MAGI2: variants seen among roughly 807,000 people sequenced by gnomAD.
The protein encoded by MAGI2 is membrane associated guanylate kinase, WW and PDZ domain containing 2, also known as membrane-associated guanylate kinase, WW and PDZ domain-containing protein 2.
Under a neutral mutation model 133.3 loss-of-function variants are expected in MAGI2, and 35 were observed. The observed-to-expected ratio is 0.26, with a 90% CI of 0.20 to 0.35. MAGI2 has a LOEUF of 0.35. Ranked by LOEUF, MAGI2 falls within the 10% of genes least tolerant of loss-of-function variation. MAGI2 has a pLI of 1.00. For missense variants in MAGI2, 1,636 were observed against 1,863.4 expected (o/e 0.88, Z 2.25); for synonymous variants, 729 against 710.6 (o/e 1.03, Z -0.41).
intron 4 of MAGI2, among the ~76,000 whole-genome samples, chr7:78,515,934 A>G (rs1365481270): frequency 6.6e-6 from 1 of 152,044 alleles, no homozygotes; most frequent in Non-Finnish European, 1.5e-5. Flanking sequence ...TAATGTTTAC[A>G]ATATATATAT....
intron 1 of MAGI2, among the ~76,000 whole-genome samples, chr7:79,401,662 A>G (rs1474436996): frequency 2.0e-5 from 3 of 152,170 alleles, no homozygotes; most frequent in South Asian, 2.1e-4. Context: ...AATGATTACT[A>G]TATTGGTACT....
chr7:79,399,514 G>T (rs1237230630), intron 1 of MAGI2, among the ~76,000 whole-genome samples: 1 of 152,058 alleles, frequency 6.6e-6, no homozygotes, highest in Non-Finnish European at 1.5e-5. Context: ...GCTAGGAAAA[G>T]ATTAGGTACA....
At chr7:79,114,591 T>C (rs577465682) in intron 1 of MAGI2, among the ~76,000 whole-genome samples, 4 of 152,294 alleles carry the variant, frequency 2.6e-5, no homozygotes, top group African/African-American at 7.2e-5. Flanking sequence ...GTGAATGTCA[T>C]AGTATCAATC....
chr7:79,305,059 G>A (rs1438361466), intron 1 of MAGI2, among the ~76,000 whole-genome samples: 1 of 152,152 alleles, frequency 6.6e-6, no homozygotes, highest in Non-Finnish European at 1.5e-5. Flanking sequence ...AAATACAGAT[G>A]AGGAAATGTC....
chr7:78,541,089 G>T (rs1033253663), intron 3 of MAGI2, among the ~76,000 whole-genome samples: 10 of 152,188 alleles, frequency 6.6e-5, no homozygotes, highest in Non-Finnish European at 1.5e-5. Context: ...TGTCCAAGGG[G>T]CTGCAAGTCA....
At chr7:78,268,198 CTTTAT>C (rs1336332224) in intron 9 of MAGI2, among the ~76,000 whole-genome samples, 1 of 151,826 alleles carries the variant, frequency 6.6e-6, no homozygotes, top group African/African-American at 2.4e-5. Flanking sequence ...AGCACTAGCA[CTTTAT>C]TTTATATCAA....
intron 1 of MAGI2, among the ~76,000 whole-genome samples, chr7:79,380,501 A>G (rs914072893): frequency 6.6e-6 from 1 of 151,768 alleles, no homozygotes; most frequent in Admixed American, 6.6e-5. Context: ...TGAATTCAAC[A>G]TGTAACACCT....
At chr7:78,452,545 A>C (rs1342744017) in intron 6 of MAGI2, among the ~76,000 whole-genome samples, 1 of 152,020 alleles carries the variant, frequency 6.6e-6, no homozygotes, top group African/African-American at 2.4e-5. Flanking sequence ...CACAGTTCTT[A>C]AGTATAAAAA....
At chr7:79,128,469 G>A (rs1468032701) in intron 1 of MAGI2, among the ~76,000 whole-genome samples, 2 of 152,158 alleles carry the variant, frequency 1.3e-5, no homozygotes, top group African/African-American at 4.8e-5. Context: ...GTAAGACACA[G>A]TGTCACTGTC....
chr7:78,292,996 G>A (rs1796873388), intron 9 of MAGI2, among the ~76,000 whole-genome samples: 1 of 152,122 alleles, frequency 6.6e-6, no homozygotes, highest in South Asian at 2.1e-4. Context: ...AGAAAACCTA[G>A]GCAATACCAT....
intron 1 of MAGI2, among the ~76,000 whole-genome samples, chr7:79,164,515 G>C (rs1238735890): frequency 6.6e-6 from 1 of 151,816 alleles, no homozygotes; most frequent in Admixed American, 6.6e-5. Flanking sequence ...CCTTTAAAAA[G>C]GGCTGGAGAG....
chr7:78,436,957 T>C (rs1449211873), intron 6 of MAGI2, among the ~76,000 whole-genome samples: 1 of 152,162 alleles, frequency 6.6e-6, no homozygotes, highest in African/African-American at 2.4e-5. Flanking sequence ...GGCAGGGGCA[T>C]GCAAAGATGC....
intron 2 of MAGI2, among the ~76,000 whole-genome samples, chr7:78,753,165 A>C (rs1316795510): frequency 6.6e-6 from 1 of 152,224 alleles, no homozygotes; most frequent in East Asian, 1.9e-4. Context: ...CAAGATGACC[A>C]GTATGATGGA....
Position 78,685,965 on chromosome 7 carries a change from T to C in MAGI2, c.419-58726A>G, listed in dbSNP as rs988142503. Among the ~76,000 whole-genome samples, 23 of 100,792 alleles carry C rather than the reference T, an allele frequency of 2.3e-4. No homozygotes were observed. In the East Asian group the frequency reaches 8.7e-3, roughly 38 times the overall value. 66.1% of individuals were successfully genotyped at this position (100,792 alleles called of 152,430 possible). ...TCCTGCTCTTACTTTCTTTTTCTTT[T>C]TTTTCTTTTCTTTTTTTTTTTTGTC... On this transcript the variant is annotated intron_variant, in intron 2 of 21. Coordinates refer to ENST00000354212, the MANE Select transcript of MAGI2 (RefSeq NM_012301.4).
At chr7:78,185,591 T>G (rs1308544881) in intron 13 of MAGI2, 38 bp downstream of exon 13, 5 of 1,495,442 alleles carry the variant, frequency 3.3e-6, no homozygotes, top group Non-Finnish European at 4.6e-6. Flanking sequence ...ATGGAAGACG[T>G]TTTGTTCACA....
At chr7:79,026,497 T>C (rs1308120793) in intron 1 of MAGI2, among the ~76,000 whole-genome samples, 5 of 152,116 alleles carry the variant, frequency 3.3e-5, no homozygotes, top group Admixed American at 6.6e-5. Context: ...TTGCAAGCCA[T>C]ATATCTGATA....
chr7:79,185,845 T>C (rs1185484143), intron 1 of MAGI2, among the ~76,000 whole-genome samples: 2 of 151,748 alleles, frequency 1.3e-5, no homozygotes, highest in Non-Finnish European at 2.9e-5. Flanking sequence ...AGAAACACAG[T>C]TGAAGCTCAT....
At chr7:78,626,826 ATGTGTGTGTGTGTGTGTGTGTGTG>A (rs71085549) in intron 3 of MAGI2, among the ~76,000 whole-genome samples, 1 of 148,362 alleles carries the variant, frequency 6.7e-6, no homozygotes, top group African/African-American at 2.5e-5. Flanking sequence ...GAATACTTCA[ATGTGTGTGTGTGTGTGTGTGTGTG>A]TGTGTGTGTG....
chr7:78,555,223 CAGAT>C (rs71085539), intron 3 of MAGI2, among the ~76,000 whole-genome samples: 5 of 135,964 alleles, frequency 3.7e-5, no homozygotes, highest in Non-Finnish European at 7.6e-5. Flanking sequence ...GATAGATAGA[CAGAT>C]AGATAGATAG....
Sources: allele counts gnomAD v4.1 joint callset (sites outside exome capture counted in the v4.1 genomes callset), GRCh38; gene constraint gnomAD v4.1.1; transcripts MANE v1.5; gene names NCBI Gene and HGNC (gene_info 2026-07-23, HGNC 2026-07-21).